Variants in MYO1E observed in about 807,000 individuals in gnomAD.
MYO1E encodes the protein myosin IE, also known as unconventional myosin-Ie.
In MYO1E, 68 loss-of-function variants were observed where a neutral mutation model predicts 151.1. The ratio of observed to expected loss-of-function variants is 0.45; its 90% confidence interval spans 0.37 to 0.55. The LOEUF is 0.55. Among genes scored for constraint, MYO1E ranks in the 20% least tolerant of loss-of-function variants. The pLI, the probability that MYO1E is intolerant of heterozygous loss-of-function variation, is 0.00. For missense variants in MYO1E, 1,363 were observed against 1,389.3 expected, an observed-to-expected ratio of 0.98 and a Z score of 0.30; for synonymous variants, 601 against 501.7, an observed-to-expected ratio of 1.20 and a Z score of -2.64.
intron 2 of MYO1E, among the ~76,000 whole-genome samples, chr15:59,264,643 T>G (rs1455508598): frequency 6.6e-6 from 1 of 152,242 alleles, no homozygotes; most frequent in Non-Finnish European, 1.5e-5. Flanking sequence ...ACTTAGATTC[T>G]CTGATGCTTT....
chr15:59,253,616 G>C (rs2080177829), intron 4 of MYO1E, among the ~76,000 whole-genome samples: 1 of 151,676 alleles, frequency 6.6e-6, no homozygotes, highest in South Asian at 2.1e-4. Flanking sequence ...CAAGTAGCTG[G>C]GACTACAGGC....
In MYO1E at chr15:59,329,493, G is replaced by C. The variant is rs193087564; in HGVS notation, c.3+43005C>G. Among the ~76,000 whole-genome samples the C allele has an allele frequency of 9.5e-4, 145 of 152,282 alleles. 1 individual carries two copies. The highest frequency in any genetic ancestry group is 9.4e-3 in the Admixed American group (144 of 15,294). Reference sequence around the variant, plus strand: ...AACGACTCAGAATGTAAACATTTCGGGTAGCCCCAAACCAAAAGAGATTTG... The same window carrying C: ...AACGACTCAGAATGTAAACATTTCGCGTAGCCCCAAACCAAAAGAGATTTG... On this transcript the variant is annotated intron_variant, in intron 1 of 27. Transcript: ENST00000288235.
At chr15:59,226,234 T>C (rs1340418724) in intron 7 of MYO1E, among the ~76,000 whole-genome samples, 1 of 152,220 alleles carries the variant, frequency 6.6e-6, no homozygotes, top group Non-Finnish European at 1.5e-5. Context: ...AACCAACAGG[T>C]ACAAACTAAA....
At chr15:59,196,731 T>C (rs1308022835) in intron 16 of MYO1E, among the ~76,000 whole-genome samples, 1 of 152,146 alleles carries the variant, frequency 6.6e-6, no homozygotes, top group African/African-American at 2.4e-5. Context: ...ATGCTTGAAA[T>C]TGAGGACAGA....
In MYO1E at chr15:59,250,303, C is replaced by A. The variant is rs1310274679; in HGVS notation, c.332+5981G>T. 2.6e-5 allele frequency among the ~76,000 whole-genome samples: 4 copies of A among 152,286 alleles called. No homozygotes were observed. In the South Asian group the frequency reaches 6.2e-4, roughly 24 times the overall value. Reference sequence around the variant, plus strand: ...TGGAAACTAAAGGCATTTGCACAAGCCTTCGAGAGCAGCTGGAAACTGAAG... The same window carrying A: ...TGGAAACTAAAGGCATTTGCACAAGACTTCGAGAGCAGCTGGAAACTGAAG... On this transcript the variant is annotated intron_variant, in intron 4 of 27. Coordinates refer to ENST00000288235, the MANE Select transcript of MYO1E (RefSeq NM_004998.4).
chr15:59,321,744 T>C (rs754414153), intron 1 of MYO1E, among the ~76,000 whole-genome samples: 11 of 151,866 alleles, frequency 7.2e-5, no homozygotes, highest in Non-Finnish European at 1.3e-4. Context: ...CTACAAAAAA[T>C]ACAAAAATTT....
At chr15:59,171,207 G>T (rs1430163932) in intron 22 of MYO1E, 1 of 156,260 alleles carries the variant, frequency 6.4e-6, no homozygotes, top group Non-Finnish European at 1.5e-5. Flanking sequence ...TTCTTGGCAT[G>T]GGAGGACTTC....
chr15:59,209,966 C>T (rs757080794), intron 13 of MYO1E, among the ~76,000 whole-genome samples: 11 of 151,690 alleles, frequency 7.3e-5, no homozygotes, highest in Non-Finnish European at 1.2e-4. Flanking sequence ...TCCAGAGTAG[C>T]TGGGACTACA....
At position 59,248,486 on chromosome 15, in the gene MYO1E, C is replaced by CAAAAA. The variant is rs71119447; in HGVS notation, c.332+7793_332+7797dup. 1.9e-4 allele frequency among the ~76,000 whole-genome samples: 11 copies of CAAAAA among 57,032 alleles called. 1 individual carries two copies. The highest frequency in any genetic ancestry group is 5.3e-4 in the African/African-American group (7 of 13,248). The allele number at this position is 57,032 out of a possible 152,430, so 37.4% of individuals were successfully genotyped here. A position where few individuals can be genotyped will look rare whatever the true frequency, so the allele number is the denominator to read the frequency against. On this transcript the variant is annotated intron_variant, in intron 4 of 27. Transcript: ENST00000288235. ...TGAACGACAGGGTGAGACTCCATCT[C>CAAAAA]AAAAAAAAAAAAAAAAAAAAAAAAG...
chr15:59,332,935 C>T (rs1315824901), intron 1 of MYO1E, among the ~76,000 whole-genome samples: 5 of 152,112 alleles, frequency 3.3e-5, no homozygotes, highest in African/African-American at 1.2e-4. Context: ...CAGGTGTTTC[C>T]TACTGTGTAG....
chr15:59,136,631 G>C lies in MYO1E; in HGVS notation c.*749C>G, dbSNP rs2140297216. On this transcript the variant is annotated 3_prime_UTR_variant, in exon 28 of 28. Transcript: ENST00000288235. ...TTTTTATATATACAGTATATGATCT[G>C]TTTTTATAAATGTACAGCTTGAAAA... 2.2e-6 allele frequency: 1 copy of C among 454,448 alleles called. No individual in the cohort carries two copies. Among genetic ancestry groups the C allele is most frequent in the Admixed American group, 2.4e-5 (1 of 42,346 alleles). 28.2% of individuals were successfully genotyped at this position (454,448 alleles called of 1,614,324 possible). A position where few individuals can be genotyped will look rare whatever the true frequency, so the allele number is the denominator to read the frequency against.
chr15:59,353,369 A>AAAAAGAAAAGAAAAGAAAAG lies in MYO1E; in HGVS notation c.3+19109_3+19128dup, dbSNP rs143319934. ...GAGACCCTGTCTCAAAAAAAAAAAA[A>AAAAAGAAAAGAAAAGAAAAG]AAAAGAAAAGAAAAGAAAAGAAAAG... On this transcript the variant is annotated intron_variant, in intron 1 of 27. Transcript: ENST00000288235. 4.4e-3 allele frequency among the ~76,000 whole-genome samples: 424 copies of AAAAAGAAAAGAAAAGAAAAG among 96,846 alleles called. 2 individuals carry two copies. The highest frequency in any genetic ancestry group is 0.016 in the African/African-American group (372 of 23,650). 63.5% of individuals were successfully genotyped at this position (96,846 alleles called of 152,430 possible). A position where few individuals can be genotyped will look rare whatever the true frequency, so the allele number is the denominator to read the frequency against.
intron 1 of MYO1E, among the ~76,000 whole-genome samples, chr15:59,321,356 G>A (rs536031363): frequency 4.6e-5 from 7 of 152,226 alleles, no homozygotes; most frequent in South Asian, 2.1e-4. Flanking sequence ...AAAATAAATT[G>A]TTCTACCAAA....
rs36047989 is a variant in MYO1E, at chr15:59,152,732, A to C, written c.3080+858T>G. On this transcript the variant is annotated intron_variant, in intron 26 of 27. Coordinates refer to ENST00000288235, the MANE Select transcript of MYO1E (RefSeq NM_004998.4). ...GACAAGGAAACTGAAGCTCAGAGAG[A>C]GCAAACAGCAGGTCCAGTGTTAGAG... is the stretch of plus-strand genomic sequence containing the variant. 1.3e-4 allele frequency among the ~76,000 whole-genome samples: 20 copies of C among 152,222 alleles called. No homozygotes were observed. In the East Asian group the frequency reaches 3.9e-3, roughly 29 times the overall value.
rs1204367533 is a variant in MYO1E, at chr15:59,251,639, T to C, written c.332+4645A>G. The stretch of plus-strand genomic sequence containing the variant: ...CATGTGGAAATATTTAGGGGTAAAA[T>C]GTCATGAAGTCTATATTTACCTCCA... On this transcript the variant is annotated intron_variant, in intron 4 of 27. Transcript: ENST00000288235. Among the ~76,000 whole-genome samples the C allele has an allele frequency of 2.6e-5, 4 of 152,232 alleles. No individual in the cohort carries two copies. The East Asian group carries it at 5.8e-4, about 22-fold the overall frequency.
At chr15:59,351,372 C>G (rs2140434906) in intron 1 of MYO1E, among the ~76,000 whole-genome samples, 1 of 152,330 alleles carries the variant, frequency 6.6e-6, no homozygotes, top group African/African-American at 2.4e-5. Context: ...TGTACAAGCA[C>G]TGTGCTAGGA....
At chr15:59,263,140 T>C (rs1480204978) in intron 2 of MYO1E, among the ~76,000 whole-genome samples, 4 of 152,236 alleles carry the variant, frequency 2.6e-5, no homozygotes, top group African/African-American at 4.8e-5. Flanking sequence ...TTTACAAATA[T>C]ATAGTTTTAG....
At chr15:59,281,272 TTTTC>T (rs1461275134) in intron 1 of MYO1E, among the ~76,000 whole-genome samples, 10 of 151,232 alleles carry the variant, frequency 6.6e-5, no homozygotes, top group Admixed American at 2.0e-4. Flanking sequence ...TTTCTTTTTC[TTTTC>T]TTTCTTTTTT....
rs187318230 is a variant in MYO1E at position 59,217,566 on chromosome 15, C to T, written c.1107+325G>A. The stretch of plus-strand genomic sequence containing the variant: ...TGGGAGATAGGATCTCACTCTAACC[C>T]CCAGGCTGGAGTGCAGTGGCGTAAT... On this transcript the variant is annotated intron_variant, in intron 10 of 27. Transcript: ENST00000288235. 2.7e-4 allele frequency among the ~76,000 whole-genome samples: 30 copies of T among 112,674 alleles called. 2 individuals carry two copies. In the East Asian group the frequency reaches 5.7e-3, roughly 22 times the overall value. The allele number at this position is 112,674 out of a possible 152,430, so 73.9% of individuals were successfully genotyped here. A position where few individuals can be genotyped will look rare whatever the true frequency, so the allele number is the denominator to read the frequency against.
Sources: allele counts gnomAD v4.1 joint callset (sites outside exome capture counted in the v4.1 genomes callset), GRCh38; gene constraint gnomAD v4.1.1; transcripts MANE v1.5; gene names NCBI Gene and HGNC (gene_info 2026-07-23, HGNC 2026-07-21).